The following RAB31 variants were observed in gnomAD, a reference collection of about 807,000 sequenced individuals.
RAB31 encodes RAB31, member RAS oncogene family, also known as ras-related protein Rab-31.
In RAB31, 21 loss-of-function variants were observed where a neutral mutation model predicts 25.6. The observed-to-expected ratio is 0.82, with a 90% CI of 0.58 to 1.18. The LOEUF (loss-of-function observed/expected upper bound fraction) is 1.18. Ranked by LOEUF, RAB31 falls within the 50% of genes most tolerant of loss-of-function variation. The probability of loss-of-function intolerance (pLI) is 0.00; values close to 1 mark genes in which losing one functional copy is unlikely to be tolerated. For synonymous variants in RAB31, 87 were observed against 84.0 expected (o/e 1.04, Z -0.20); for missense variants, 196 against 250.1 (o/e 0.78, Z 1.46).
intron 3 of RAB31, among the ~76,000 whole-genome samples, chr18:9,796,601 TC>T (rs1457497154): frequency 1.4e-4 from 21 of 152,118 alleles, no homozygotes; most frequent in Non-Finnish European, 4.4e-5. Context: ...GAAAAAATAA[TC>T]CTTTAAAAAT....
chr18:9,767,575 G>C (rs1435387011), intron 1 of RAB31, among the ~76,000 whole-genome samples: 3 of 152,128 alleles, frequency 2.0e-5, no homozygotes, highest in Non-Finnish European at 4.4e-5. Context: ...TCCCTGCAGG[G>C]CTGGGTCGAA....
chr18:9,752,313 C>A (rs1158570706), intron 1 of RAB31, among the ~76,000 whole-genome samples: 1 of 152,106 alleles, frequency 6.6e-6, no homozygotes, highest in Admixed American at 6.5e-5. Context: ...CAACCTGTGC[C>A]TCCTGGGTTC....
rs1222376821 is a variant in RAB31, at chr18:9,814,050, G to A, written c.232G>A (p.Gly78Ser). The A allele has an allele frequency of 6.3e-7, 1 of 1,595,840 alleles. No individual in the cohort carries two copies. Among genetic ancestry groups the A allele is most frequent in the Non-Finnish European group, 8.6e-7 (1 of 1,168,722 alleles). ...TTCATTGGCTCCCATGTACTATCGA[G>A]GCTCAGCTGCAGCTGTTATCGTGTA... is the stretch of plus-strand genomic sequence containing the variant. ...FHSLAPMYYR[G>S]SAAAVIVYDI... is the part of the protein sequence containing the mutation. The change falls in exon 4 of 7, where the codon GGC becomes AGC. Residue 78 changes from glycine to serine, a missense_variant. Coordinates refer to ENST00000578921, the MANE Select transcript of RAB31 (RefSeq NM_006868.4).
At chr18:9,748,770 A>C (rs1481373370) in intron 1 of RAB31, among the ~76,000 whole-genome samples, 1 of 152,050 alleles carries the variant, frequency 6.6e-6, no homozygotes, top group East Asian at 1.9e-4. Flanking sequence ...ATGTGCCTGT[A>C]ATCCCAGCTA....
intron 3 of RAB31, among the ~76,000 whole-genome samples, chr18:9,806,063 G>A (rs538585105): frequency 2.0e-5 from 3 of 152,086 alleles, no homozygotes; most frequent in Admixed American, 6.5e-5. Context: ...TGTAGTCCCA[G>A]CTACTCGGGA....
At chr18:9,810,034 CA>C (rs1248455359) in intron 3 of RAB31, among the ~76,000 whole-genome samples, 3 of 152,230 alleles carry the variant, frequency 2.0e-5, no homozygotes, top group Non-Finnish European at 4.4e-5. Flanking sequence ...AATAATCACA[CA>C]CACTAAGGAC....
intron 1 of RAB31, among the ~76,000 whole-genome samples, chr18:9,743,586 G>C (rs1019331397): frequency 6.6e-6 from 1 of 152,186 alleles, no homozygotes; most frequent in Non-Finnish European, 1.5e-5. Flanking sequence ...GAAAGCTCCT[G>C]GGTCCGGCCC....
intron 3 of RAB31, among the ~76,000 whole-genome samples, chr18:9,794,022 A>G (rs921978600): frequency 6.6e-6 from 1 of 152,170 alleles, no homozygotes; most frequent in African/African-American, 2.4e-5. Context: ...CCTCCCGAGT[A>G]GCAGGGACCA....
intron 1 of RAB31, among the ~76,000 whole-genome samples, chr18:9,746,535 A>G (rs917878337): frequency 2.0e-5 from 3 of 152,240 alleles, no homozygotes; most frequent in Admixed American, 2.0e-4. Context: ...AATTATGGTA[A>G]TCAAAATAGT....
At chr18:9,840,421 T>C (rs1050708727) in intron 5 of RAB31, among the ~76,000 whole-genome samples, 1 of 152,148 alleles carries the variant, frequency 6.6e-6, no homozygotes, top group Admixed American at 6.5e-5. Context: ...TACCCTCCCA[T>C]AATCGTAATG....
At chr18:9,759,381 G>T (rs767465724) in intron 1 of RAB31, among the ~76,000 whole-genome samples, 5 of 151,784 alleles carry the variant, frequency 3.3e-5, no homozygotes, top group Non-Finnish European at 7.4e-5. Context: ...ATGTTGTCCA[G>T]GCTGTTCTCA....
At chr18:9,836,238 G>A (rs1410960446) in intron 5 of RAB31, among the ~76,000 whole-genome samples, 3 of 151,952 alleles carry the variant, frequency 2.0e-5, no homozygotes, top group East Asian at 1.9e-4. Context: ...GTAAGGAGAC[G>A]TTAAATGTTA....
chr18:9,745,627 G>C (rs1406300196), intron 1 of RAB31, among the ~76,000 whole-genome samples: 1 of 152,150 alleles, frequency 6.6e-6, no homozygotes, highest in Non-Finnish European at 1.5e-5. Context: ...AGGGTGGTTT[G>C]ACATACTAAA....
At chr18:9,737,925 T>C (rs1019560475) in intron 1 of RAB31, among the ~76,000 whole-genome samples, 1 of 152,188 alleles carries the variant, frequency 6.6e-6, no homozygotes, top group Non-Finnish European at 1.5e-5. Flanking sequence ...GAGTTTTGTC[T>C]GCCCCCCACG....
chr18:9,726,484 G>A (rs895428579), intron 1 of RAB31, among the ~76,000 whole-genome samples: 3 of 152,162 alleles, frequency 2.0e-5, no homozygotes, highest in Non-Finnish European at 4.4e-5. Flanking sequence ...CGTAGATAAT[G>A]CCTCTAACGG....
intron 5 of RAB31, among the ~76,000 whole-genome samples, chr18:9,838,296 T>C (rs2068715074): frequency 6.6e-6 from 1 of 152,136 alleles, no homozygotes; most frequent in Non-Finnish European, 1.5e-5. Flanking sequence ...TACCCTCTCA[T>C]GTGAGGTGCT....
chr18:9,791,906 AAC>A (rs1350254371), intron 2 of RAB31, among the ~76,000 whole-genome samples: 1 of 152,168 alleles, frequency 6.6e-6, no homozygotes, highest in Non-Finnish European at 1.5e-5. Context: ...CCTGGCCAGA[AAC>A]AGTCTTTTGA....
intron 3 of RAB31, among the ~76,000 whole-genome samples, chr18:9,805,847 AAG>A (rs1473641504): frequency 6.6e-6 from 1 of 152,240 alleles, no homozygotes; most frequent in Non-Finnish European, 1.5e-5. Context: ...ATTTGGAGTC[AAG>A]ACCTGTGTTC....
chr18:9,761,789 G>A (rs146349580), intron 1 of RAB31, among the ~76,000 whole-genome samples: 106 of 152,270 alleles, frequency 7.0e-4, no homozygotes, highest in Non-Finnish European at 1.3e-3. Flanking sequence ...AAAGAGGGTC[G>A]CAAGCATCTT....
Sources: gnomAD v4.1 joint callset for allele counts (sites outside exome capture counted in the v4.1 genomes callset) on GRCh38, gnomAD v4.1.1 for gene constraint, MANE v1.5 for transcripts, NCBI Gene and HGNC (gene_info 2026-07-23, HGNC 2026-07-21) for gene names.